PAPPA: variants seen among roughly 807,000 people sequenced by gnomAD.
PAPPA encodes the protein pappalysin 1, also known as pappalysin-1.
Under a neutral mutation model 164.0 loss-of-function variants are expected in PAPPA, and 60 were observed. That is an observed-to-expected ratio of 0.37 (90% confidence interval 0.30 to 0.45). The LOEUF is 0.45. Ranked by LOEUF, PAPPA falls within the 20% of genes least tolerant of loss-of-function variation. PAPPA has a pLI of 1.00. For synonymous variants in PAPPA, 875 were observed against 814.1 expected (o/e 1.07, Z -1.27); for missense variants, 1,782 against 2,087.3 (o/e 0.85, Z 2.85).
At chr9:116,277,758 C>T (rs893732099) in intron 9 of PAPPA, among the ~76,000 whole-genome samples, 2 of 152,154 alleles carry the variant, frequency 1.3e-5, no homozygotes, top group Non-Finnish European at 2.9e-5. Flanking sequence ...CTCACTGCAA[C>T]CTCCGCCTCC....
intron 2 of PAPPA, among the ~76,000 whole-genome samples, chr9:116,205,348 C>G (rs1844220322): frequency 6.6e-6 from 1 of 152,132 alleles, no homozygotes; most frequent in Non-Finnish European, 1.5e-5. Flanking sequence ...CCCTTTTTCT[C>G]TCTTGAAGCT....
chr9:116,284,509 T>C (rs1335926581), intron 9 of PAPPA, among the ~76,000 whole-genome samples: 1 of 151,102 alleles, frequency 6.6e-6, no homozygotes, highest in Non-Finnish European at 1.5e-5. Context: ...CATTCTCTCC[T>C]TGTATGACTC....
chr9:116,221,704 T>G (rs942236919), intron 5 of PAPPA, among the ~76,000 whole-genome samples: 1 of 151,806 alleles, frequency 6.6e-6, no homozygotes, highest in African/African-American at 2.4e-5. Context: ...GAAAAGGCAT[T>G]ACACTGCCCC....
In PAPPA at chr9:116,188,030, C is replaced by T. The variant is rs774728290; in HGVS notation, c.1292C>T (p.Thr431Met). The T allele has an allele frequency of 1.6e-5, 26 of 1,614,186 alleles. No homozygotes were observed. Among genetic ancestry groups the T allele is most frequent in the Admixed American group, 5.0e-5 (3 of 60,030 alleles). The change falls in exon 2 of 22, where the codon ACG (threonine) becomes ATG (methionine). Residue 431 changes from threonine to methionine, a missense_variant. This residue lies in a region of PAPPA where 1,324 missense variants were observed against 1,656.9 expected (regional missense o/e 0.80). Transcript: ENST00000328252. ...AACTGTGACCCCGAGTGCAACCACA[C>T]GCTGACGGGCCACGACGGCGGGGAT... ...DENCDPECNH[T>M]LTGHDGGDCR...
chr9:116,367,650 G>T lies in PAPPA; in HGVS notation c.4501G>T (p.Glu1501Ter). The T allele has an allele frequency of 6.2e-7, 1 of 1,613,238 alleles. No individual in the cohort carries two copies. Among genetic ancestry groups the T allele is most frequent in the South Asian group, 1.1e-5 (1 of 90,938 alleles). ...TCATGCTGTACTTCCCTCAGGGTCGGAGTGTGCCACCTCGTGCCTGGACCA... is the reference window on the plus strand; with the variant it reads ...TCATGCTGTACTTCCCTCAGGGTCGTAGTGTGCCACCTCGTGCCTGGACCA... The part of the protein sequence containing the change: ...QCPDGYAIGS[E>*]CATSCLDHNS... The change falls in exon 19 of 22, where the codon GAG (glutamate) becomes TAG (stop). Residue 1501 changes from glutamate to a stop codon, truncating the protein, a stop_gained. Coordinates refer to ENST00000328252, the MANE Select transcript of PAPPA (RefSeq NM_002581.5). LOFTEE classifies it high-confidence loss of function.
chr9:116,271,501 T>G lies in PAPPA; in HGVS notation c.2953+85T>G, dbSNP rs549333465. ...TCAATGATAATGCCAACAATAGTTATGACTAAATGATGATTCACTCCTTTG... is the reference window on the plus strand; with the variant it reads ...TCAATGATAATGCCAACAATAGTTAGGACTAAATGATGATTCACTCCTTTG... On this transcript the variant is annotated intron_variant, in intron 9 of 21. Coordinates refer to ENST00000328252, the MANE Select transcript of PAPPA (RefSeq NM_002581.5). This position sits in a 1 kb window ranked among gnomAD's most constrained non-coding sequence, Gnocchi z 4.2. 2 of 938,238 alleles carry G rather than the reference T, an allele frequency of 2.1e-6. No homozygotes were observed. Among genetic ancestry groups the G allele is most frequent in the East Asian group, 4.8e-5 (2 of 41,700 alleles). 58.1% of individuals were successfully genotyped at this position (938,238 alleles called of 1,614,324 possible).
chr9:116,360,636 G>A (rs921577903), intron 17 of PAPPA, among the ~76,000 whole-genome samples: 5 of 151,950 alleles, frequency 3.3e-5, no homozygotes, highest in African/African-American at 1.2e-4. Flanking sequence ...TTCCTCATCT[G>A]TGTGTTCATT....
rs1025597732 is a variant in PAPPA at position 116,250,019 on chromosome 9, G to A, written c.2732+14382G>A. On this transcript the variant is annotated intron_variant, in intron 7 of 21. Coordinates refer to ENST00000328252, the MANE Select transcript of PAPPA (RefSeq NM_002581.5). ...CATGCATGAGTACCTGCATATGTGT[G>A]TGTGTGTGTGTGTGTGTGTGTGTGT... Among the ~76,000 whole-genome samples, 60 of 82,322 alleles carry A rather than the reference G, an allele frequency of 7.3e-4. No individual in the cohort carries two copies. The East Asian group carries it at 0.013, about 18-fold the overall frequency. 54.0% of individuals were successfully genotyped at this position (82,322 alleles called of 152,430 possible). A position where few individuals can be genotyped will look rare whatever the true frequency, so the allele number is the denominator to read the frequency against.
At chr9:116,171,755 A>T (rs1400015367) in intron 1 of PAPPA, among the ~76,000 whole-genome samples, 1 of 152,028 alleles carries the variant, frequency 6.6e-6, no homozygotes, top group Admixed American at 6.6e-5. Flanking sequence ...AACCATGGGG[A>T]GGCTGAACTG....
chr9:116,192,442 T>G (rs1361541586), intron 2 of PAPPA, among the ~76,000 whole-genome samples: 2 of 152,240 alleles, frequency 1.3e-5, no homozygotes, highest in Admixed American at 1.3e-4. Flanking sequence ...CTTAATCCTC[T>G]GTTCCTTCCT....
chr9:116,244,788 GT>G (rs1844777157), intron 7 of PAPPA, among the ~76,000 whole-genome samples: 1 of 152,118 alleles, frequency 6.6e-6, no homozygotes, highest in South Asian at 2.1e-4. Context: ...TAGAACTACT[GT>G]TTGATCCAGC....
intron 2 of PAPPA, among the ~76,000 whole-genome samples, chr9:116,189,920 C>T (rs563986491): frequency 6.6e-6 from 1 of 152,346 alleles, no homozygotes; most frequent in Non-Finnish European, 1.5e-5. Flanking sequence ...GAAAGCACCT[C>T]AGCTCAGCTT....
intron 21 of PAPPA, among the ~76,000 whole-genome samples, chr9:116,389,680 T>C (rs1846864444): frequency 6.6e-6 from 1 of 152,072 alleles, no homozygotes; most frequent in Admixed American, 6.6e-5. Flanking sequence ...CCCTCTTCTA[T>C]TCATCCTCAT....
chr9:116,326,628 T>C (rs1277372019), intron 10 of PAPPA, among the ~76,000 whole-genome samples: 3 of 152,212 alleles, frequency 2.0e-5, no homozygotes, highest in Non-Finnish European at 4.4e-5. Flanking sequence ...AATTTTTAAG[T>C]GTATGGTACA....
chr9:116,388,476 G>T (rs1157642204), intron 21 of PAPPA, among the ~76,000 whole-genome samples: 1 of 152,186 alleles, frequency 6.6e-6, no homozygotes, highest in Non-Finnish European at 1.5e-5. Flanking sequence ...TGGTGGCCTG[G>T]AACACTAGTT....
At chr9:116,332,633 A>T in intron 12 of PAPPA, 165 bp downstream of exon 12, 2 of 622,404 alleles carry the variant, frequency 3.2e-6, no homozygotes, top group Non-Finnish European at 5.4e-6. Context: ...AGATGTGGTT[A>T]TGTATCCAGA....
intron 1 of PAPPA, among the ~76,000 whole-genome samples, chr9:116,157,110 A>C (rs973383643): frequency 1.3e-5 from 2 of 152,168 alleles, no homozygotes; most frequent in Non-Finnish European, 2.9e-5. Flanking sequence ...GCTGCCTTAC[A>C]TCACTCTTTG....
intron 6 of PAPPA, among the ~76,000 whole-genome samples, chr9:116,231,232 T>A (rs530886306): frequency 6.6e-6 from 1 of 152,340 alleles, no homozygotes; most frequent in South Asian, 2.1e-4. Context: ...TTAATCACTG[T>A]ATATACAAAA....
intron 18 of PAPPA, among the ~76,000 whole-genome samples, chr9:116,363,965 G>GCT (rs1310556319): frequency 6.6e-6 from 1 of 152,188 alleles, no homozygotes; most frequent in Non-Finnish European, 1.5e-5. Context: ...ACACATGATT[G>GCT]CTCTCGCTGA....
Sources: gnomAD v4.1 joint callset for allele counts (sites outside exome capture counted in the v4.1 genomes callset) on GRCh38, gnomAD v4.1.1 for gene constraint, gnomAD v4.1.1 regional missense constraint, Gnocchi (gnomAD v3.1) non-coding constraint, MANE v1.5 for transcripts, NCBI Gene and HGNC (gene_info 2026-07-23, HGNC 2026-07-21) for gene names.